BMPER: variants seen among roughly 807,000 people sequenced by gnomAD.
The protein encoded by BMPER is BMP-binding endothelial regulator protein.
A neutral mutation model predicts 87.3 loss-of-function variants in BMPER; 45 were observed. The ratio of observed to expected loss-of-function variants is 0.52; its 90% CI spans 0.41 to 0.66. The LOEUF is 0.66. BMPER is among the 30% of genes least tolerant of loss of function. The pLI, the probability that BMPER is intolerant of heterozygous loss-of-function variation, is 0.00. For synonymous variants in BMPER, 326 were observed against 316.2 expected, an observed-to-expected ratio of 1.03 and a Z score of -0.33; for missense variants, 784 against 867.5, an observed-to-expected ratio of 0.90 and a Z score of 1.21.
At chr7:34,120,696 C>T (rs1323311019) in intron 13 of BMPER, among the ~76,000 whole-genome samples, 3 of 152,136 alleles carry the variant, frequency 2.0e-5, no homozygotes, top group African/African-American at 7.2e-5. Context: ...CTGTGCCCGG[C>T]CATTTGGAAT....
At chr7:33,914,607 G>A (rs1012712600) in intron 2 of BMPER, among the ~76,000 whole-genome samples, 2 of 152,298 alleles carry the variant, frequency 1.3e-5, no homozygotes, top group African/African-American at 4.8e-5. Context: ...GAGAAATCAG[G>A]ACTAGAGGTT....
rs1009785879 is a variant in BMPER, at chr7:34,153,194, T to C, written c.1979T>C (p.Val660Ala). 7.4e-6 allele frequency: 12 copies of C among 1,613,954 alleles called. No homozygotes were observed. The African/African-American group carries it at 1.5e-4, about 20-fold the overall frequency. Residue 660 changes from valine (V) to alanine (A), a missense_variant, in exon 15 of 15, where the codon GTT (valine) becomes GCT (alanine). Val to Ala is a moderately conservative substitution (Grantham distance 64). Coordinates refer to ENST00000649409, the MANE Select transcript of BMPER (RefSeq NM_001365308.1). Reference sequence around the variant, plus strand: ...ATTGGTCCATGCAACAAGCCGTGCGTTGCTGGGTGCCACTGTCCAGCAAAC... The same window carrying C: ...ATTGGTCCATGCAACAAGCCGTGCGCTGCTGGGTGCCACTGTCCAGCAAAC... ...NEIGPCNKPC[V>A]AGCHCPANLV... is the part of the protein sequence containing the mutation.
chr7:33,995,331 A>T (rs1562677909), intron 6 of BMPER, among the ~76,000 whole-genome samples: 1 of 152,050 alleles, frequency 6.6e-6, no homozygotes, highest in Admixed American at 6.6e-5. Context: ...CACTCATGAG[A>T]TGGATTTGTG....
At chr7:33,985,997 A>G (rs1786001591) in intron 6 of BMPER, among the ~76,000 whole-genome samples, 1 of 152,236 alleles carries the variant, frequency 6.6e-6, no homozygotes, top group African/African-American at 2.4e-5. Context: ...TAAAAAATAG[A>G]AAAGTGAGTC....
At chr7:33,970,049 A>G (rs900155753) in intron 4 of BMPER, among the ~76,000 whole-genome samples, 13 of 152,346 alleles carry the variant, frequency 8.5e-5, no homozygotes, top group African/African-American at 3.1e-4. Flanking sequence ...GACAGCAAGA[A>G]GGTCTTAAAA....
chr7:34,110,466 G>A (rs1343462074), intron 13 of BMPER, among the ~76,000 whole-genome samples: 2 of 152,154 alleles, frequency 1.3e-5, no homozygotes, highest in Non-Finnish European at 2.9e-5. Flanking sequence ...AGCCTCCAGA[G>A]GGTTCAGGAA....
At chr7:34,033,345 A>G (rs948967903) in intron 6 of BMPER, among the ~76,000 whole-genome samples, 13 of 152,198 alleles carry the variant, frequency 8.5e-5, no homozygotes, top group Non-Finnish European at 1.2e-4. Flanking sequence ...TGTTCTGATC[A>G]TGAGTTGATT....
At chr7:33,961,630 G>A (rs2128616449) in intron 3 of BMPER, among the ~76,000 whole-genome samples, 1 of 152,188 alleles carries the variant, frequency 6.6e-6, no homozygotes, top group East Asian at 1.9e-4. Context: ...GGGCACTGAA[G>A]AAGGAAAGCC....
chr7:34,019,082 A>G (rs1351858855), intron 6 of BMPER, among the ~76,000 whole-genome samples: 2 of 151,962 alleles, frequency 1.3e-5, no homozygotes, highest in Admixed American at 6.6e-5. Flanking sequence ...AACTTATTTA[A>G]TTACTCCCTG....
intron 3 of BMPER, among the ~76,000 whole-genome samples, chr7:33,954,402 C>T (rs1785099862): frequency 6.6e-6 from 1 of 152,164 alleles, no homozygotes. Context: ...GTACTTTAAA[C>T]TGTGATGTGC....
At chr7:34,105,497 A>C (rs1304954571) in intron 13 of BMPER, among the ~76,000 whole-genome samples, 4 of 152,210 alleles carry the variant, frequency 2.6e-5, no homozygotes, top group African/African-American at 9.6e-5. Context: ...TTCACCATAG[A>C]GGGCCAGTCA....
intron 3 of BMPER, among the ~76,000 whole-genome samples, chr7:33,942,906 A>G (rs7779875): frequency 0.37 from 56,610 of 152,018 alleles, 11,079 homozygotes; most frequent in African/African-American, 0.5. Context: ...CTTATTGGAA[A>G]TCTATTCCAG....
Position 34,156,262 on chromosome 7 carries a change from T to C in BMPER, c.*2989T>C, listed in dbSNP as rs1428787215. Among the ~76,000 whole-genome samples, 3 of 152,218 alleles carry C rather than the reference T, an allele frequency of 2.0e-5. No homozygotes were observed. Among genetic ancestry groups the C allele is most frequent in the Non-Finnish European group, 4.4e-5 (3 of 68,032 alleles). ...GGATAAACCATTTCAACTGGAAAAC[T>C]CTTCCTTTTTATGAGATATTTCAGA... On this transcript the variant is annotated 3_prime_UTR_variant, in exon 15 of 15. Transcript: ENST00000649409.
At chr7:33,957,515 A>G (rs116509245) in intron 3 of BMPER, among the ~76,000 whole-genome samples, 2,562 of 152,116 alleles carry the variant, frequency 0.017, 78 homozygotes, top group African/African-American at 0.058. Flanking sequence ...TGATAAAACA[A>G]TTCTGTATGT....
In BMPER at chr7:33,934,562, TG is replaced by T. The variant is rs546923420; in HGVS notation, c.220-2725del. Among the ~76,000 whole-genome samples the T allele has an allele frequency of 6.2e-3, 942 of 152,188 alleles. 9 individuals carry two copies. Among genetic ancestry groups the T allele is most frequent in the African/African-American group, 0.021 (875 of 41,518 alleles). ...TCCAGATGTGAATCTACAAACCATC[TG>T]GTTGGAATAACTTTTGTGCTGGACT... On this transcript the variant is annotated intron_variant, in intron 2 of 14. Coordinates refer to ENST00000649409, the MANE Select transcript of BMPER (RefSeq NM_001365308.1).
intron 2 of BMPER, among the ~76,000 whole-genome samples, chr7:33,918,436 A>G (rs1784137246): frequency 6.6e-6 from 1 of 152,226 alleles, no homozygotes; most frequent in African/African-American, 2.4e-5. Context: ...TGCCTCCAGT[A>G]AAGCCTGCCT....
intron 4 of BMPER, among the ~76,000 whole-genome samples, chr7:33,968,401 T>C (rs1299465406): frequency 6.6e-6 from 1 of 152,212 alleles, no homozygotes; most frequent in Non-Finnish European, 1.5e-5. Context: ...AATTACCATT[T>C]ATTGGCACCT....
chr7:33,974,146 G>A (rs1490625654), intron 5 of BMPER, among the ~76,000 whole-genome samples: 1 of 152,154 alleles, frequency 6.6e-6, no homozygotes, highest in African/African-American at 2.4e-5. Flanking sequence ...GCCAGCTGGG[G>A]TGAGTTACTT....
At chr7:34,080,133 G>A (rs933158152) in intron 12 of BMPER, among the ~76,000 whole-genome samples, 18 of 152,084 alleles carry the variant, frequency 1.2e-4, no homozygotes, top group African/African-American at 4.1e-4. Context: ...ATACTTCTAA[G>A]GAAATCAGTG....
Sources: gnomAD v4.1 joint callset for allele counts (sites outside exome capture counted in the v4.1 genomes callset) on GRCh38, gnomAD v4.1.1 for gene constraint, MANE v1.5 for transcripts, NCBI Gene and HGNC (gene_info 2026-07-23, HGNC 2026-07-21) for gene names.